Variants in BTBD8 observed in about 807,000 individuals in gnomAD.
BTBD8 encodes BTB domain containing 8.
BTBD8 carries 110 observed loss-of-function variants against 162.9 expected under a neutral mutation model. The observed-to-expected ratio is 0.68, with a 90% CI of 0.58 to 0.79. BTBD8 has a LOEUF of 0.79. Ranked by LOEUF, BTBD8 falls within the 30% of genes least tolerant of loss-of-function variation. The probability of loss-of-function intolerance (pLI) is 0.00; values close to 1 mark genes in which losing one functional copy is unlikely to be tolerated. For synonymous variants in BTBD8, 667 were observed against 716.1 expected, an observed-to-expected ratio of 0.93 and a Z score of 1.10; for missense variants, 1,905 against 2,085.4, an observed-to-expected ratio of 0.91 and a Z score of 1.68.
At chr1:92,171,101 G>A (rs981536538) in intron 12 of BTBD8, among the ~76,000 whole-genome samples, 8 of 151,890 alleles carry the variant, frequency 5.3e-5, no homozygotes, top group African/African-American at 1.9e-4. Flanking sequence ...GTCACAGTTT[G>A]AGAAAATTCT....
intron 9 of BTBD8, among the ~76,000 whole-genome samples, chr1:92,161,595 C>G (rs1448358409): frequency 6.6e-6 from 1 of 152,140 alleles, no homozygotes; most frequent in Admixed American, 6.5e-5. Context: ...AGTACAGATA[C>G]CTCTTAATTT....
rs139622534 is a variant in BTBD8 at position 92,150,659 on chromosome 1, C to T, written c.1122+2873C>T. 2.5e-3 allele frequency: 381 copies of T among 152,290 alleles called. 1 individual carries two copies. Among genetic ancestry groups the T allele is most frequent in the Middle Eastern group, 0.017 (5 of 296 alleles). The allele number at this position is 152,290 out of a possible 1,614,324, so 9.4% of individuals were successfully genotyped here. ...CTAAGGACCCAAGGTTGGAACCAAC[C>T]CTGGACAGGATACCATTCCAGCGCA... On this transcript the variant is annotated intron_variant, in intron 9 of 17. Coordinates refer to ENST00000636805, the MANE Select transcript of BTBD8 (RefSeq NM_001376131.1).
chr1:92,100,111 A>G (rs1375550194), intron 2 of BTBD8, among the ~76,000 whole-genome samples: 2 of 152,168 alleles, frequency 1.3e-5, no homozygotes, highest in Non-Finnish European at 2.9e-5. Context: ...GATTGAAGTG[A>G]TCATGTGGTT....
chr1:92,167,190 A>C (rs563737745), intron 10 of BTBD8, 50 bp downstream of exon 10: 22 of 1,534,662 alleles, frequency 1.4e-5, no homozygotes, highest in Non-Finnish European at 1.8e-5. Flanking sequence ...TTGTGTTCTG[A>C]TTTCAATTAT....
intron 5 of BTBD8, among the ~76,000 whole-genome samples, chr1:92,132,246 T>G (rs1315929474): frequency 1.3e-5 from 2 of 152,012 alleles, no homozygotes; most frequent in African/African-American, 4.8e-5. Context: ...CCTCTTCAAC[T>G]TCTATCTGTT....
At chr1:92,101,680 C>G (rs1648595361) in intron 2 of BTBD8, among the ~76,000 whole-genome samples, 1 of 152,122 alleles carries the variant, frequency 6.6e-6, no homozygotes, top group African/African-American at 2.4e-5. Context: ...TTCAAACTTG[C>G]TGCTGTTTAT....
intron 9 of BTBD8, among the ~76,000 whole-genome samples, chr1:92,157,531 T>C (rs1467519020): frequency 6.6e-6 from 1 of 152,166 alleles, no homozygotes; most frequent in African/African-American, 2.4e-5. Flanking sequence ...ACAGATGGAG[T>C]CTCACTTTGT....
At chr1:92,134,853 A>G (rs911912446) in intron 5 of BTBD8, among the ~76,000 whole-genome samples, 1 of 151,740 alleles carries the variant, frequency 6.6e-6, no homozygotes, top group Non-Finnish European at 1.5e-5. Context: ...AAAGGACACA[A>G]TGAAGCAGAG....
intron 13 of BTBD8, among the ~76,000 whole-genome samples, chr1:92,174,730 C>T (rs920227750): frequency 1.3e-5 from 2 of 152,006 alleles, no homozygotes; most frequent in African/African-American, 4.8e-5. Context: ...GTGAATAGGA[C>T]CAGTCTCTAC....
rs1309964883 is a variant in BTBD8 at position 92,108,051 on chromosome 1, G to A, written c.662+50G>A. On this transcript the variant is annotated intron_variant, in intron 4 of 17. Transcript: ENST00000636805. ...GTCTTGGTTGTGGCTGTAGAGTGTG[G>A]AAGGGCAGCTGTCTCTTACCAGCAC... The A allele has an allele frequency of 5.3e-6, 8 of 1,508,406 alleles. No homozygotes were observed. In the East Asian group the frequency reaches 1.4e-4, roughly 26 times the overall value. 93.4% of individuals were successfully genotyped at this position (1,508,406 alleles called of 1,614,324 possible).
chr1:92,168,764 TC>T, intron 11 of BTBD8, 101 bp from the exon 12 acceptor site: 1 of 1,088,410 alleles, frequency 9.2e-7, no homozygotes, highest in Non-Finnish European at 1.2e-6. Flanking sequence ...AATGATGACA[TC>T]ATTGATCTAG....
Position 92,080,642 on chromosome 1 carries a change from G to A in BTBD8, c.71G>A (p.Gly24Glu). ...LLGSAGVCSK[G>E]LQRKGPCERR... ...GGGTCCGCTGGAGTTTGCAGTAAGG[G>A]GTTGCAAAGGAAGGGGCCGTGTGAG... Residue 24 changes from glycine (G) to glutamate (E), a missense_variant, in exon 1 of 18, where the codon GGG becomes GAG. This residue lies in a region of BTBD8 where 1,374 missense variants were observed against 1,442.7 expected (regional missense o/e 0.95). Coordinates refer to ENST00000636805, the MANE Select transcript of BTBD8 (RefSeq NM_001376131.1). 6.2e-7 allele frequency: 1 copy of A among 1,613,882 alleles called. No homozygotes were observed. The highest frequency in any genetic ancestry group is 8.5e-7 in the Non-Finnish European group (1 of 1,179,868).
Position 92,107,922 on chromosome 1 carries a change from G to A in BTBD8, c.583G>A (p.Asp195Asn), listed in dbSNP as rs373224920. The change falls in exon 4 of 18, where the codon GAT becomes AAT. Residue 195 changes from aspartate (D) to asparagine (N), a missense_variant. Coordinates refer to ENST00000636805, the MANE Select transcript of BTBD8 (RefSeq NM_001376131.1). ...DLEPASELGE[D>N]LLKLYVKPCC... ...GGAGCCTGCATCTGAATTAGGAGAA[G>A]ATTTATTGAAGCTTTATGTGAAACC... 1.1e-5 allele frequency: 18 copies of A among 1,613,940 alleles called. No individual in the cohort carries two copies. Among genetic ancestry groups the A allele is most frequent in the Non-Finnish European group, 1.4e-5 (17 of 1,179,986 alleles).
intron 9 of BTBD8, 144 bp from the exon 10 acceptor site, chr1:92,166,813 TA>T: frequency 1.3e-6 from 1 of 775,358 alleles, no homozygotes; most frequent in Non-Finnish European, 2.0e-6. Flanking sequence ...ACATTATATG[TA>T]AAACTAATAA....
Position 92,175,612 on chromosome 1 carries a change from C to T in BTBD8, c.1636-1217C>T, listed in dbSNP as rs374570895. Among the ~76,000 whole-genome samples the T allele has an allele frequency of 9.3e-5, 14 of 151,166 alleles. No homozygotes were observed. The East Asian group carries it at 1.4e-3, about 15-fold the overall frequency. On this transcript the variant is annotated intron_variant, in intron 13 of 17. Transcript: ENST00000636805. ...GAGTTCAAGATCAGCCTGGGCAACA[C>T]GGTGAAACCCTCTCTCTACTAAAAT... is the stretch of plus-strand genomic sequence containing the variant.
chr1:92,111,420 T>C (rs569995629), intron 4 of BTBD8, among the ~76,000 whole-genome samples: 17 of 152,234 alleles, frequency 1.1e-4, no homozygotes, highest in Non-Finnish European at 1.9e-4. Context: ...AAATCTTCCT[T>C]TAATATCTCT....
intron 5 of BTBD8, 72 bp downstream of exon 5, chr1:92,129,848 T>G (rs1649467296): frequency 8.0e-7 from 1 of 1,250,090 alleles, no homozygotes; most frequent in African/African-American, 1.5e-5. Context: ...GCACTTTTTA[T>G]GAATCTGATT....
At chr1:92,081,149 A>G (rs1237154172) in intron 1 of BTBD8, among the ~76,000 whole-genome samples, 1 of 152,184 alleles carries the variant, frequency 6.6e-6, no homozygotes. Context: ...GAACAATACT[A>G]TAGTCTTGGA....
intron 4 of BTBD8, among the ~76,000 whole-genome samples, chr1:92,119,149 ATC>A (rs1649124465): frequency 6.6e-6 from 1 of 151,868 alleles, no homozygotes; most frequent in South Asian, 2.1e-4. Context: ...TTAAAAAACT[ATC>A]TTCAATAATT....
Sources: gnomAD v4.1 joint callset for allele counts (sites outside exome capture counted in the v4.1 genomes callset) on GRCh38, gnomAD v4.1.1 for gene constraint, gnomAD v4.1.1 regional missense constraint, MANE v1.5 for transcripts, NCBI Gene and HGNC (gene_info 2026-07-23, HGNC 2026-07-21) for gene names.